KLF12: variants seen among roughly 807,000 people sequenced by gnomAD.
KLF12 encodes Krueppel-like factor 12.
A neutral mutation model predicts 37.8 loss-of-function variants in KLF12; 9 were observed. That is an observed-to-expected ratio of 0.24 (90% CI 0.14 to 0.42). KLF12 has a LOEUF of 0.42. KLF12 is among the 10% of genes least tolerant of loss of function. The pLI, the probability that KLF12 is intolerant of heterozygous loss-of-function variation, is 1.00. For synonymous variants in KLF12, 208 were observed against 202.1 expected (o/e 1.03, Z -0.25); for missense variants, 411 against 516.0 (o/e 0.80, Z 1.97).
At chr13:74,028,683 A>T (rs17061984) in intron 1 of KLF12, among the ~76,000 whole-genome samples, 26,333 of 152,028 alleles carry the variant, frequency 0.17, 2,686 homozygotes, top group African/African-American at 0.28. Flanking sequence ...GGCTCTTATG[A>T]GGAAAATGCT....
chr13:74,305,449 T>A, the KLF12 span, among the ~76,000 whole-genome samples: 2 of 152,108 alleles, frequency 1.3e-5, no homozygotes, highest in African/African-American at 4.8e-5. Context: ...TTTTCCCTTT[T>A]AAAATTGTTT....
the KLF12 span, among the ~76,000 whole-genome samples, chr13:74,182,055 T>G: frequency 0.027 from 4,097 of 152,262 alleles, 190 homozygotes; most frequent in African/African-American, 0.09. Flanking sequence ...TGGAGTTTGT[T>G]TTAAAATAGT....
At chr13:73,707,147 A>G (rs1875013410) in intron 7 of KLF12, among the ~76,000 whole-genome samples, 1 of 152,158 alleles carries the variant, frequency 6.6e-6, no homozygotes, top group Non-Finnish European at 1.5e-5. Flanking sequence ...GACCAGATAT[A>G]AGGAAAAGCA....
chr13:74,145,551 A>C, the KLF12 span, among the ~76,000 whole-genome samples: 7 of 152,168 alleles, frequency 4.6e-5, no homozygotes, highest in Non-Finnish European at 1.0e-4. Flanking sequence ...CTTTTTGTGC[A>C]TGTGTATTGA....
intron 5 of KLF12, among the ~76,000 whole-genome samples, chr13:73,808,187 G>A (rs372615718): frequency 6.6e-6 from 1 of 152,092 alleles, no homozygotes. Context: ...CATCAAGGGG[G>A]TGGGGGATCA....
chr13:73,749,519 G>T (rs1023958439), intron 6 of KLF12, among the ~76,000 whole-genome samples: 1 of 152,130 alleles, frequency 6.6e-6, no homozygotes, highest in African/African-American at 2.4e-5. Flanking sequence ...GCCCATCCAG[G>T]GGGTGATGCT....
chr13:73,992,548 T>G (rs1192097471), intron 2 of KLF12, among the ~76,000 whole-genome samples: 1 of 152,144 alleles, frequency 6.6e-6, no homozygotes, highest in Non-Finnish European at 1.5e-5. Flanking sequence ...CAACAGAAAT[T>G]TTATAAATCC....
chr13:74,021,288 C>T (rs1230755858), intron 1 of KLF12, among the ~76,000 whole-genome samples: 1 of 151,492 alleles, frequency 6.6e-6, no homozygotes, highest in Non-Finnish European at 1.5e-5. Flanking sequence ...CCACTTTTCT[C>T]ATCAAGAAAA....
At chr13:73,737,973 T>C (rs1339502361) in intron 6 of KLF12, among the ~76,000 whole-genome samples, 1 of 124,688 alleles carries the variant, frequency 8.0e-6, no homozygotes, top group East Asian at 2.2e-4. Flanking sequence ...AACAGCTTAA[T>C]AATTAAAATC....
At chr13:74,288,787 G>T in the KLF12 span, among the ~76,000 whole-genome samples, 1 of 152,164 alleles carries the variant, frequency 6.6e-6, no homozygotes, top group Non-Finnish European at 1.5e-5. Context: ...CTGAAAACTG[G>T]CAGGGTGGCG....
intron 6 of KLF12, among the ~76,000 whole-genome samples, chr13:73,734,745 GAAGTT>G (rs1294982560): frequency 6.6e-6 from 1 of 152,174 alleles, no homozygotes; most frequent in Non-Finnish European, 1.5e-5. Flanking sequence ...ACTGTGCTAT[GAAGTT>G]AATATACATT....
chr13:73,750,709 A>AAT (rs1878686935), intron 6 of KLF12, among the ~76,000 whole-genome samples: 1 of 151,916 alleles, frequency 6.6e-6, no homozygotes, highest in South Asian at 2.1e-4. Context: ...TACCATGGTG[A>AAT]TTAGCTGCAC....
chr13:73,797,769 CAA>C (rs34644776), intron 5 of KLF12, among the ~76,000 whole-genome samples: 11,563 of 70,952 alleles, frequency 0.16, 238 homozygotes, highest in African/African-American at 0.18. Flanking sequence ...GATCCTGTCT[CAA>C]AAAAAAAAAA....
the KLF12 span, among the ~76,000 whole-genome samples, chr13:74,143,519 T>G: frequency 6.6e-6 from 1 of 152,196 alleles, no homozygotes. Flanking sequence ...CATATAATAA[T>G]TAATTTAATC....
intron 3 of KLF12, among the ~76,000 whole-genome samples, chr13:73,869,402 A>G (rs1458271773): frequency 6.6e-6 from 1 of 152,180 alleles, no homozygotes; most frequent in East Asian, 1.9e-4. Context: ...CAGGAAACAC[A>G]TGTAAGTTTA....
the KLF12 span, among the ~76,000 whole-genome samples, chr13:74,207,126 T>C: frequency 6.6e-6 from 1 of 152,198 alleles, no homozygotes; most frequent in South Asian, 2.1e-4. Context: ...AAGAAGAGGC[T>C]GAACCTGTCC....
chr13:74,138,465 T>C (rs1878620530), upstream of KLF12, among the ~76,000 whole-genome samples: 1 of 152,224 alleles, frequency 6.6e-6, no homozygotes, highest in South Asian at 2.1e-4. Context: ...GAAAGACATG[T>C]AAAAGCCTTC....
At chr13:74,208,808 T>C in the KLF12 span, among the ~76,000 whole-genome samples, 1 of 152,040 alleles carries the variant, frequency 6.6e-6, no homozygotes, top group African/African-American at 2.4e-5. Flanking sequence ...ACACTGTGTC[T>C]AAAAAATTTT....
At chr13:74,104,037 A>G (rs1876513354) in intron 1 of KLF12, among the ~76,000 whole-genome samples, 1 of 152,234 alleles carries the variant, frequency 6.6e-6, no homozygotes, top group African/African-American at 2.4e-5. Context: ...ACTGGGAATA[A>G]TGGGTTATAA....
Sources: allele counts gnomAD v4.1 joint callset (sites outside exome capture counted in the v4.1 genomes callset), GRCh38; gene constraint gnomAD v4.1.1; transcripts MANE v1.5; gene names NCBI Gene and HGNC (gene_info 2026-07-23, HGNC 2026-07-21).